Variants in MCMBP observed in about 807,000 individuals in gnomAD.
MCMBP encodes minichromosome maintenance complex binding protein.
Under a neutral mutation model 81.3 loss-of-function variants are expected in MCMBP, and 31 were observed. The observed-to-expected ratio is 0.38, with a 90% CI of 0.29 to 0.51. The LOEUF (loss-of-function observed/expected upper bound fraction) is 0.51. Ranked by LOEUF, MCMBP falls within the 20% of genes least tolerant of loss-of-function variation. The probability of loss-of-function intolerance (pLI) is 0.87; values close to 1 mark genes in which losing one functional copy is unlikely to be tolerated. For missense variants in MCMBP, 645 were observed against 772.1 expected (o/e 0.84, Z 1.95); for synonymous variants, 267 against 275.9 (o/e 0.97, Z 0.32).
intron 13 of MCMBP, 102 bp downstream of exon 13, chr10:119,836,794 T>TTTTTTTTA (rs1852263445): frequency 5.8e-6 from 2 of 347,062 alleles, no homozygotes; most frequent in Non-Finnish European, 4.9e-6. Flanking sequence ...TTTTTTTTTT[T>TTTTTTTTA]ACAACAAATG....
chr10:119,857,983 G>A (rs1156348200), intron 4 of MCMBP: 1 of 152,200 alleles, frequency 6.6e-6, no homozygotes, highest in African/African-American at 2.4e-5. Context: ...TTGAAAGATA[G>A]ATTTGTGTAA....
At chr10:119,869,571 CA>C (rs34014446) in intron 1 of MCMBP, among the ~76,000 whole-genome samples, 24 of 141,636 alleles carry the variant, frequency 1.7e-4, no homozygotes, top group South Asian at 2.3e-4. Flanking sequence ...GACTCAGTCT[CA>C]AAAAAAAAAA....
At position 119,832,270 on chromosome 10, in the gene MCMBP, A is replaced by G. The variant is rs1048258641; in HGVS notation, c.1708-170T>C. Among the ~76,000 whole-genome samples the G allele has an allele frequency of 8.5e-5, 13 of 152,320 alleles. 1 individual carries two copies. The highest frequency in any genetic ancestry group is 4.6e-4 in the Admixed American group (7 of 15,298). ...ACATAATGCTGCTGATGAAAATAAA[A>G]TAATGAAACTCAGATTCATTTAAGG... On this transcript the variant is annotated intron_variant, in intron 14 of 15. Coordinates refer to ENST00000369077, the MANE Select transcript of MCMBP (RefSeq NM_001256378.2).
At position 119,838,520 on chromosome 10, in the gene MCMBP, C is replaced by G; in HGVS notation, c.1408+15G>C. On this transcript the variant is annotated intron_variant, in intron 12 of 15. Transcript: ENST00000369077. ...AAGGAAGTCAGAAATGGAAGAGAAA[C>G]ATCTATGTACGTACCTGGGGTATCC... is the stretch of plus-strand genomic sequence containing the variant. 1 of 1,598,044 alleles carries G rather than the reference C, an allele frequency of 6.3e-7. No homozygotes were observed.
chr10:119,868,951 G>T (rs1853568443), intron 1 of MCMBP, among the ~76,000 whole-genome samples: 2 of 152,294 alleles, frequency 1.3e-5, no homozygotes, highest in Non-Finnish European at 2.9e-5. Context: ...AGCAAGGCAA[G>T]GGTGGAGCCA....
At chr10:119,872,314 G>A (rs1281156271) in intron 1 of MCMBP, among the ~76,000 whole-genome samples, 1 of 152,008 alleles carries the variant, frequency 6.6e-6, no homozygotes, top group Admixed American at 6.5e-5. Flanking sequence ...GACTCGGGCA[G>A]GTGGGAGGTA....
intron 14 of MCMBP, among the ~76,000 whole-genome samples, chr10:119,834,281 CAT>C (rs575917121): frequency 2.0e-5 from 3 of 152,178 alleles, no homozygotes; most frequent in Non-Finnish European, 4.4e-5. Flanking sequence ...GAGATCCACA[CAT>C]AGACACATCA....
intron 6 of MCMBP, among the ~76,000 whole-genome samples, chr10:119,851,805 G>A (rs1450780325): frequency 6.6e-6 from 1 of 152,142 alleles, no homozygotes; most frequent in African/African-American, 2.4e-5. Context: ...ATAAAGTAGA[G>A]TAATATAAGG....
At chr10:119,869,212 G>A (rs553406574) in intron 1 of MCMBP, among the ~76,000 whole-genome samples, 21 of 152,130 alleles carry the variant, frequency 1.4e-4, no homozygotes, top group African/African-American at 3.6e-4. Context: ...TTGAGAGGCC[G>A]AGGCAGGCAG....
At chr10:119,838,275 TATATG>T (rs1852318289) in intron 12 of MCMBP, among the ~76,000 whole-genome samples, 1 of 146,444 alleles carries the variant, frequency 6.8e-6, no homozygotes, top group Admixed American at 6.8e-5. Flanking sequence ...TTATATATTA[TATATG>T]ATATATATTA....
chr10:119,863,468 A>C (rs140107532), intron 1 of MCMBP, among the ~76,000 whole-genome samples: 3,920 of 152,244 alleles, frequency 0.026, 69 homozygotes, highest in Non-Finnish European at 0.037. Context: ...GGGGTGGCTC[A>C]CGCCTGTAAT....
intron 1 of MCMBP, among the ~76,000 whole-genome samples, chr10:119,867,171 T>C (rs917008176): frequency 2.0e-5 from 3 of 150,164 alleles, no homozygotes; most frequent in Non-Finnish European, 3.0e-5. Context: ...TGGTCGCCTG[T>C]AGTCCCAGCT....
rs932520862 is a variant in MCMBP, at chr10:119,829,451, G to C, written c.*2023C>G. 3.9e-5 allele frequency: 6 copies of C among 152,226 alleles called. No homozygotes were observed. Among genetic ancestry groups the C allele is most frequent in the African/African-American group, 1.2e-4 (5 of 41,460 alleles). 9.4% of individuals were successfully genotyped at this position (152,226 alleles called of 1,614,324 possible). A position where few individuals can be genotyped will look rare whatever the true frequency, so the allele number is the denominator to read the frequency against. On this transcript the variant is annotated 3_prime_UTR_variant, in exon 16 of 16. Coordinates refer to ENST00000369077, the MANE Select transcript of MCMBP (RefSeq NM_001256378.2). ...AAACTCTACAGAAATTAGTTCGAAA[G>C]AGATCTTTGAAAAATCATTTTAAGA...
At chr10:119,847,563 T>G (rs1852660699) in intron 8 of MCMBP, 50 bp downstream of exon 8, 1 of 1,152,566 alleles carries the variant, frequency 8.7e-7, no homozygotes, top group African/African-American at 1.6e-5. Flanking sequence ...CCTGAAAACT[T>G]GAAATTATAT....
chr10:119,843,429 G>A lies in MCMBP; in HGVS notation c.828-3C>T, dbSNP rs753118176. On this transcript the variant is annotated splice_polypyrimidine_tract_variant and splice_region_variant and intron_variant, in intron 8 of 15. Transcript: ENST00000369077. The stretch of plus-strand genomic sequence containing the variant: ...GATCCAGCAGTGCAGAGGCATCCCT[G>A]TGGAGAGGTGATAAAGTTTCAATTT... The A allele has an allele frequency of 6.2e-7, 1 of 1,610,768 alleles. No individual in the cohort carries two copies. The highest frequency in any genetic ancestry group is 8.5e-7 in the Non-Finnish European group (1 of 1,177,590).
At chr10:119,841,076 C>G in intron 10 of MCMBP, 116 bp from the exon 11 acceptor site, 1 of 696,280 alleles carries the variant, frequency 1.4e-6, no homozygotes, top group South Asian at 1.7e-5. Context: ...CCAGAATATT[C>G]TGACCAGTTA....
chr10:119,843,224 A>G, intron 9 of MCMBP, 30 bp downstream of exon 9: 1 of 1,610,950 alleles, frequency 6.2e-7, no homozygotes, highest in Non-Finnish European at 8.5e-7. Flanking sequence ...AACAGTCGAT[A>G]GTTGACTAGG....
intron 14 of MCMBP, among the ~76,000 whole-genome samples, chr10:119,834,960 A>G (rs1852189524): frequency 6.6e-6 from 1 of 152,086 alleles, no homozygotes; most frequent in Non-Finnish European, 1.5e-5. Context: ...AAGATACTAG[A>G]CAGTAACATG....
At chr10:119,850,041 T>G (rs1424276403) in intron 6 of MCMBP, among the ~76,000 whole-genome samples, 2 of 152,210 alleles carry the variant, frequency 1.3e-5, no homozygotes, top group African/African-American at 4.8e-5. Flanking sequence ...ATCAAACCAG[T>G]TGTTGGGGAT....
Sources: gnomAD v4.1 joint callset for allele counts (sites outside exome capture counted in the v4.1 genomes callset) on GRCh38, gnomAD v4.1.1 for gene constraint, MANE v1.5 for transcripts, NCBI Gene and HGNC (gene_info 2026-07-23, HGNC 2026-07-21) for gene names.